ZNF362: variants seen among roughly 807,000 people sequenced by gnomAD.
ZNF362 encodes zinc finger protein 362.
ZNF362 carries 11 observed loss-of-function variants against 42.9 expected under a neutral mutation model. The observed-to-expected ratio is 0.26, with a 90% CI of 0.16 to 0.42. The LOEUF is 0.42. ZNF362 is among the 20% of genes least tolerant of loss of function. The probability of loss-of-function intolerance (pLI) is 1.00; values close to 1 mark genes in which losing one functional copy is unlikely to be tolerated. For synonymous variants in ZNF362, 255 were observed against 257.3 expected, an observed-to-expected ratio of 0.99 and a Z score of 0.09; for missense variants, 362 against 576.2, an observed-to-expected ratio of 0.63 and a Z score of 3.81.
chr1:33,181,092 CAGA>C, the ZNF362 span: 2 of 1,599,466 alleles, frequency 1.3e-6, no homozygotes, highest in Non-Finnish European at 1.7e-6. The surrounding 1 kb of genome is among the most constrained non-coding windows in gnomAD (Gnocchi z 6.5). Flanking sequence ...AGGCTCGTCG[CAGA>C]AGAAGCAGAG....
At chr1:33,210,538 C>T in the ZNF362 span, among the ~76,000 whole-genome samples, 2 of 152,052 alleles carry the variant, frequency 1.3e-5, no homozygotes, top group African/African-American at 4.8e-5. Context: ...TAAAGTCTCC[C>T]ATTATTATTG....
the ZNF362 span, among the ~76,000 whole-genome samples, chr1:33,204,979 A>C: frequency 1.8e-4 from 27 of 152,222 alleles, no homozygotes; most frequent in Admixed American, 3.3e-4. Context: ...CTATATATTG[A>C]ACACTACAAA....
the ZNF362 span, chr1:33,181,330 T>C: frequency 1.3e-6 from 2 of 1,577,452 alleles, no homozygotes; most frequent in Non-Finnish European, 8.6e-7. This position sits in a 1 kb window ranked among gnomAD's most constrained non-coding sequence, Gnocchi z 6.5. Context: ...TGCTCCGTGA[T>C]GCAGCGGCGG....
At chr1:33,206,337 A>T in the ZNF362 span, among the ~76,000 whole-genome samples, 1 of 149,976 alleles carries the variant, frequency 6.7e-6, no homozygotes, top group Non-Finnish European at 1.5e-5. Flanking sequence ...TTGGGCAAAG[A>T]TTTATTGGAC....
At chr1:33,189,292 G>T in the ZNF362 span, among the ~76,000 whole-genome samples, 1 of 152,052 alleles carries the variant, frequency 6.6e-6, no homozygotes, top group Admixed American at 6.6e-5. Context: ...GAGGGGAGAG[G>T]TTCCAATGCA....
At chr1:33,278,209 A>T (rs1368542609) in intron 4 of ZNF362, among the ~76,000 whole-genome samples, 1 of 152,204 alleles carries the variant, frequency 6.6e-6, no homozygotes, top group Non-Finnish European at 1.5e-5. Context: ...CAGCTCAGAG[A>T]GGCTGTTGGT....
the ZNF362 span, among the ~76,000 whole-genome samples, chr1:33,179,188 C>T: frequency 6.6e-6 from 1 of 152,254 alleles, no homozygotes; most frequent in African/African-American, 2.4e-5. Context: ...TGGACAGCAG[C>T]AGCGCCTAAA....
At chr1:33,177,084 TGCACAAATGC>T in the ZNF362 span, among the ~76,000 whole-genome samples, 1 of 147,924 alleles carries the variant, frequency 6.8e-6, no homozygotes, top group East Asian at 2.1e-4. This position sits in a 1 kb window ranked among gnomAD's most constrained non-coding sequence, Gnocchi z 4.1. Context: ...CACACATGCA[TGCACAAATGC>T]ACACACATGC....
chr1:33,295,075 C>T, intron 7 of ZNF362, 60 bp downstream of exon 7: 2 of 1,611,672 alleles, frequency 1.2e-6, no homozygotes, highest in Non-Finnish European at 1.7e-6. Context: ...CCCACCCCCA[C>T]AAGGAAGCGT....
At chr1:33,156,335 G>A in the ZNF362 span, among the ~76,000 whole-genome samples, 7 of 152,096 alleles carry the variant, frequency 4.6e-5, no homozygotes, top group Admixed American at 4.6e-4. Flanking sequence ...CCAGGCTTTG[G>A]CCCCTACTGC....
chr1:33,154,822 G>A, the ZNF362 span, among the ~76,000 whole-genome samples: 3 of 148,910 alleles, frequency 2.0e-5, no homozygotes, highest in South Asian at 2.1e-4. Context: ...GGCCAGGCGC[G>A]GTGATTCACG....
intron 8 of ZNF362, 46 bp from the exon 9 acceptor site, chr1:33,298,884 T>C: frequency 6.5e-7 from 1 of 1,543,606 alleles, no homozygotes; most frequent in Admixed American, 1.7e-5. Flanking sequence ...CTCTTCTCCC[T>C]CCCTTGCTGG....
At chr1:33,272,201 G>A (rs1471029380) in intron 2 of ZNF362, among the ~76,000 whole-genome samples, 1 of 152,200 alleles carries the variant, frequency 6.6e-6, no homozygotes, top group African/African-American at 2.4e-5. Flanking sequence ...AGGACTGGAA[G>A]GTGGGCCATA....
chr1:33,148,180 G>A, the ZNF362 span, among the ~76,000 whole-genome samples: 7 of 152,246 alleles, frequency 4.6e-5, no homozygotes, highest in East Asian at 3.9e-4. Context: ...TAAAGACCAC[G>A]AAATGGACAG....
chr1:33,291,096 T>G (rs1331389875), intron 6 of ZNF362, among the ~76,000 whole-genome samples: 1 of 152,272 alleles, frequency 6.6e-6, no homozygotes, highest in African/African-American at 2.4e-5. Flanking sequence ...ATTTTGGCTT[T>G]TGTTGCCATT....
At chr1:33,186,991 C>A in the ZNF362 span, among the ~76,000 whole-genome samples, 6 of 151,406 alleles carry the variant, frequency 4.0e-5, no homozygotes, top group Admixed American at 3.3e-4. Flanking sequence ...GAAGGTGATA[C>A]AGGGAAGGGA....
chr1:33,295,216 TC>T lies in ZNF362; in HGVS notation c.1059del (p.Ala354LeufsTer33). ...CPNCYRAYSD[S>X]ASLQIHLSAH... Reference sequence around the variant, plus strand: ...CAACTGCTACCGGGCCTATTCGGACTCCGCTTCTTTGCAGATCCACCTCTCG... The same window carrying T: ...CAACTGCTACCGGGCCTATTCGGACTCGCTTCTTTGCAGATCCACCTCTCG... On this transcript the variant is annotated frameshift_variant, in exon 8 of 9. Transcript: ENST00000539719. LOFTEE classifies it high-confidence loss of function. 6.2e-7 allele frequency: 1 copy of T among 1,614,182 alleles called. No individual in the cohort carries two copies. Among genetic ancestry groups the T allele is most frequent in the Non-Finnish European group, 8.5e-7 (1 of 1,180,034 alleles).
the ZNF362 span, among the ~76,000 whole-genome samples, chr1:33,215,073 G>C: frequency 6.6e-6 from 1 of 152,164 alleles, no homozygotes; most frequent in Non-Finnish European, 1.5e-5. Context: ...GTGCACAATA[G>C]CCAAGATTTG....
the ZNF362 span, among the ~76,000 whole-genome samples, chr1:33,179,043 G>C: frequency 1.3e-5 from 2 of 152,094 alleles, no homozygotes; most frequent in African/African-American, 2.4e-5. Context: ...CTGTCTGGAA[G>C]TGTGGCCTTG....
Sources: gnomAD v4.1 joint callset for allele counts (sites outside exome capture counted in the v4.1 genomes callset) on GRCh38, gnomAD v4.1.1 for gene constraint, Gnocchi (gnomAD v3.1) non-coding constraint, MANE v1.5 for transcripts, NCBI Gene and HGNC (gene_info 2026-07-23, HGNC 2026-07-21) for gene names.